GOLGA2: variants seen among roughly 807,000 people sequenced by gnomAD.
GOLGA2 encodes the protein golgin A2, also known as golgin subfamily A member 2.
GOLGA2 carries 49 observed loss-of-function variants against 148.8 expected under a neutral mutation model. That is an observed-to-expected ratio of 0.33 (90% confidence interval 0.26 to 0.42). GOLGA2 has a LOEUF of 0.42. Among genes scored for constraint, GOLGA2 ranks in the 10% least tolerant of loss-of-function variants. The probability of loss-of-function intolerance (pLI) is 1.00; values close to 1 mark genes in which losing one functional copy is unlikely to be tolerated. For missense variants in GOLGA2, 1,178 were observed against 1,304.6 expected (o/e 0.90, Z 1.49); for synonymous variants, 501 against 511.8 (o/e 0.98, Z 0.28).
chr9:128,267,896 TCCCCCCA>T, intron 6 of GOLGA2, 31 bp downstream of exon 6: 1 of 1,488,576 alleles, frequency 6.7e-7, no homozygotes, highest in Non-Finnish European at 9.4e-7. Context: ...ATAGTTCCCT[TCCCCCCA>T]CCCCGCTCTC....
chr9:128,272,117 GT>G (rs1235904205), intron 3 of GOLGA2, among the ~76,000 whole-genome samples: 1 of 147,652 alleles, frequency 6.8e-6, no homozygotes, highest in African/African-American at 2.5e-5. Flanking sequence ...AGGTCTGTTG[GT>G]TTTTTTGTGT....
intron 19 of GOLGA2, 100 bp downstream of exon 19, chr9:128,259,976 G>A: frequency 1.2e-6 from 1 of 817,874 alleles, no homozygotes; most frequent in Middle Eastern, 3.4e-4. Flanking sequence ...GGGTGCTGGG[G>A]TCACCTGTGC....
intron 19 of GOLGA2, 121 bp from the exon 20 acceptor site, chr9:128,259,512 A>G (rs954996828): frequency 1.7e-4 from 107 of 635,584 alleles, no homozygotes; most frequent in Non-Finnish European, 2.6e-4. Flanking sequence ...TCCAGGCCTA[A>G]GTGACTGCCT....
intron 12 of GOLGA2, 118 bp from the exon 13 acceptor site, chr9:128,263,210 G>T: frequency 1.4e-6 from 1 of 733,232 alleles, no homozygotes; most frequent in Non-Finnish European, 2.5e-6. Flanking sequence ...AATCACACTT[G>T]ACATGTTTTC....
At chr9:128,273,490 C>T (rs1831084799) in intron 2 of GOLGA2, 2 of 422,424 alleles carry the variant, frequency 4.7e-6, no homozygotes, top group Non-Finnish European at 8.3e-6. Flanking sequence ...TAGCTGTTCT[C>T]ATTGGCCTGG....
Position 128,257,411 on chromosome 9 carries a change from C to T in GOLGA2, c.2833G>A (p.Ala945Thr), listed in dbSNP as rs1426560889. ...GCCCCAAGTTCCTGGGGGGCTGGGG[C>T]CCCTGAAGTGGGCTCATCAGCAGGG... ...QNPADEPTSG[A>T]PAPQELGAAN... is the part of the protein sequence containing the mutation. Residue 945 changes from alanine to threonine, a missense_variant, in exon 26 of 27, where the codon GCC becomes ACC. Around this residue, in one of 5 missense-constraint regions of GOLGA2, gnomAD observed 149 missense variants for 154.9 expected, o/e 0.96. Transcript: ENST00000611957. This position sits in a 1 kb window ranked among gnomAD's most constrained non-coding sequence, Gnocchi z 8.0. 1.2e-6 allele frequency: 2 copies of T among 1,613,012 alleles called. No homozygotes were observed. Among genetic ancestry groups the T allele is most frequent in the Admixed American group, 3.3e-5 (2 of 60,024 alleles).
At chr9:128,268,292 C>A in intron 4 of GOLGA2, 128 bp downstream of exon 4, 1 of 1,083,968 alleles carries the variant, frequency 9.2e-7, no homozygotes, top group South Asian at 1.3e-5. Flanking sequence ...AAAGCCCAGT[C>A]TGAGCCTTCC....
intron 12 of GOLGA2, among the ~76,000 whole-genome samples, chr9:128,264,409 TATTATTTATTTA>T (rs1830471287): frequency 1.4e-5 from 2 of 145,158 alleles, no homozygotes; most frequent in South Asian, 4.6e-4. Context: ...TAATTTTTGT[TATTATTTATTTA>T]TTTATTTATT....
chr9:128,262,569 AAGCAGG>A lies in GOLGA2; in HGVS notation c.1122_1127del (p.Leu375_Leu376del). 1 of 1,613,894 alleles carries A rather than the reference AAGCAGG, an allele frequency of 6.2e-7. No homozygotes were observed. Among genetic ancestry groups the A allele is most frequent in the Non-Finnish European group, 8.5e-7 (1 of 1,179,852 alleles). On this transcript the variant is annotated inframe_deletion, in exon 14 of 27. Transcript: ENST00000611957. Reference sequence around the variant, plus strand: ...TGGGGCTGCAGCCTCTTGCCTGTTGAAGCAGGAGTTCCGTCATCTCTAACTTCTTTT... The same window carrying A: ...TGGGGCTGCAGCCTCTTGCCTGTTGAAGTTCCGTCATCTCTAACTTCTTTT...
In GOLGA2 at chr9:128,261,201, G is replaced by C. The variant is rs148804102; in HGVS notation, c.1391C>G (p.Thr464Arg). ...CTGGTTCCTCAGTTCAGCCAAGCTC[G>C]TCTCCAGCTCCTGTACCCGACTCAT... ...CSMSRVQELE[T>R]SLAELRNQMA... The change falls in exon 17 of 27, where the codon ACG becomes AGG. Residue 464 changes from threonine (T) to arginine (R), a missense_variant. This residue lies in a region of GOLGA2 where 529 missense variants were observed against 521.8 expected (regional missense o/e 1.01). Transcript: ENST00000611957. The surrounding 1 kb of genome is among the most constrained non-coding windows in gnomAD (Gnocchi z 5.7). The C allele has an allele frequency of 6.2e-7, 1 of 1,613,540 alleles. No homozygotes were observed. Among genetic ancestry groups the C allele is most frequent in the African/African-American group, 1.3e-5 (1 of 75,008 alleles).
rs1267496210 is a variant in GOLGA2 at position 128,257,205 on chromosome 9, G to A, written c.2952C>T (p.Asn984=). 7 of 1,613,890 alleles carry A rather than the reference G, an allele frequency of 4.3e-6. No homozygotes were observed. The highest frequency in any genetic ancestry group is 4.5e-5 in the East Asian group (2 of 44,902). The part of the protein sequence containing the change: ...GEAREGSPRD[N]PTAQQIMQLL... ...GCTGCATGATCTGCTGTGCAGTGGG[G>A]TTGTCACGGGGAGAACCCTCCCTGG... is the stretch of plus-strand genomic sequence containing the variant. Residue 984 remains asparagine, a synonymous_variant, in exon 27 of 27, where the codon AAC becomes AAT. Transcript: ENST00000611957. This position sits in a 1 kb window ranked among gnomAD's most constrained non-coding sequence, Gnocchi z 8.0.
chr9:128,258,677 G>A lies in GOLGA2; in HGVS notation c.2174-107C>T. ...ACCCTGGGCCAGCCCCTCCCCAGAG[G>A]GAAATAAGCATCTGTTCTTTATTTT... On this transcript the variant is annotated intron_variant, in intron 21 of 26. Transcript: ENST00000611957. This position sits in a 1 kb window ranked among gnomAD's most constrained non-coding sequence, Gnocchi z 6.6. 8.0e-6 allele frequency: 6 copies of A among 753,464 alleles called. No homozygotes were observed. Among genetic ancestry groups the A allele is most frequent in the East Asian group, 5.4e-5 (2 of 36,984 alleles). The allele number at this position is 753,464 out of a possible 1,614,324, so 46.7% of individuals were successfully genotyped here.
chr9:128,262,599 T>C lies in GOLGA2; in HGVS notation c.1098A>G (p.Gln366=), dbSNP rs748416701. 5 of 1,614,190 alleles carry C rather than the reference T, an allele frequency of 3.1e-6. No homozygotes were observed. Among genetic ancestry groups the C allele is most frequent in the Middle Eastern group, 1.7e-4 (1 of 6,060 alleles). ...AGMQLNLEEL[Q]KKLEMTELLL... is the part of the protein sequence containing the mutation. ...GGAGTTCCGTCATCTCTAACTTCTT[T>C]TGCAATTCTTCCAAGTTAAGCTGCA... is the stretch of plus-strand genomic sequence containing the variant. The change falls in exon 14 of 27, where the codon CAA becomes CAG. Residue 366 remains glutamine, a synonymous_variant. Transcript: ENST00000611957.
chr9:128,269,608 C>T (rs1830811641), intron 3 of GOLGA2, among the ~76,000 whole-genome samples: 1 of 152,186 alleles, frequency 6.6e-6, no homozygotes, highest in Non-Finnish European at 1.5e-5. Flanking sequence ...AGGCTCTGAC[C>T]TTACTCTTCG....
intron 12 of GOLGA2, among the ~76,000 whole-genome samples, chr9:128,263,589 T>C (rs1256258357): frequency 2.0e-5 from 3 of 152,168 alleles, no homozygotes; most frequent in African/African-American, 7.2e-5. Flanking sequence ...GGCTAATTTT[T>C]TTGTATTTTT....
chr9:128,263,720 A>AT (rs1014432787), intron 12 of GOLGA2, among the ~76,000 whole-genome samples: 2 of 150,794 alleles, frequency 1.3e-5, no homozygotes, highest in Admixed American at 6.6e-5. Context: ...GCCTGGCCTA[A>AT]TTTTTTTATT....
Position 128,260,035 on chromosome 9 carries a change from G to A in GOLGA2, c.1872+41C>T. 7.1e-7 allele frequency: 1 copy of A among 1,418,208 alleles called. No individual in the cohort carries two copies. Among genetic ancestry groups the A allele is most frequent in the Non-Finnish European group, 9.9e-7 (1 of 1,011,034 alleles). The allele number at this position is 1,418,208 out of a possible 1,614,324, so 87.9% of individuals were successfully genotyped here. On this transcript the variant is annotated intron_variant, in intron 19 of 26. Transcript: ENST00000611957. The surrounding 1 kb of genome is among the most constrained non-coding windows in gnomAD (Gnocchi z 4.8). ...CTCACACCACCCCTCCCCAGAGGCTGGTGCCCGCCTCCCAGCCCTTCTTGG... is the reference window on the plus strand; with the variant it reads ...CTCACACCACCCCTCCCCAGAGGCTAGTGCCCGCCTCCCAGCCCTTCTTGG...
At chr9:128,275,410 G>C (rs1416351922) in intron 1 of GOLGA2, 1 of 1,291,258 alleles carries the variant, frequency 7.7e-7, no homozygotes, top group Non-Finnish European at 9.9e-7. Flanking sequence ...GCTCCGCGAT[G>C]GGGGAGGGGA....
At position 128,260,068 on chromosome 9, in the gene GOLGA2, G is replaced by T; in HGVS notation, c.1872+8C>A. ...CCTCCCAGCCCTTCTTGGATGGGGC[G>T]GGGTTACCGTTTCCTTCAGCTCGCT... is the stretch of plus-strand genomic sequence containing the variant. On this transcript the variant is annotated splice_region_variant and intron_variant, in intron 19 of 26. Coordinates refer to ENST00000611957, the MANE Select transcript of GOLGA2 (RefSeq NM_001366244.2). The surrounding 1 kb of genome is among the most constrained non-coding windows in gnomAD (Gnocchi z 4.8). 1 of 1,586,508 alleles carries T rather than the reference G, an allele frequency of 6.3e-7. No individual in the cohort carries two copies. The highest frequency in any genetic ancestry group is 8.6e-7 in the Non-Finnish European group (1 of 1,160,088).
Sources: gnomAD v4.1 joint callset for allele counts (sites outside exome capture counted in the v4.1 genomes callset) on GRCh38, gnomAD v4.1.1 for gene constraint, gnomAD v4.1.1 regional missense constraint, Gnocchi (gnomAD v3.1) non-coding constraint, MANE v1.5 for transcripts, NCBI Gene and HGNC (gene_info 2026-07-23, HGNC 2026-07-21) for gene names.